ERAP1: variants seen among roughly 807,000 people sequenced by gnomAD.
ERAP1 encodes the protein endoplasmic reticulum aminopeptidase 1, also known as adipocyte-derived leucine aminopeptidase.
ERAP1 carries 86 observed loss-of-function variants against 103.7 expected under a neutral mutation model. The ratio of observed to expected loss-of-function variants is 0.83; its 90% CI spans 0.70 to 0.99. ERAP1 has a LOEUF of 0.99. Ranked by LOEUF, ERAP1 falls within the 50% of genes least tolerant of loss-of-function variation. The pLI, the probability that ERAP1 is intolerant of heterozygous loss-of-function variation, is 0.00. For synonymous variants in ERAP1, 398 were observed against 402.4 expected, an observed-to-expected ratio of 0.99 and a Z score of 0.13; for missense variants, 1,009 against 1,128.4, an observed-to-expected ratio of 0.89 and a Z score of 1.52.
At chr5:96,850,167 G>A in the ERAP1 span, among the ~76,000 whole-genome samples, 1 of 152,110 alleles carries the variant, frequency 6.6e-6, no homozygotes, top group African/African-American at 2.4e-5. Context: ...TAAGGGAAAA[G>A]CTACCCATTG....
the ERAP1 span, chr5:96,903,644 T>C: frequency 1.5e-5 from 19 of 1,268,490 alleles, no homozygotes; most frequent in South Asian, 2.2e-4. Context: ...ATGTTCAACA[T>C]TGGTCATTGA....
At chr5:96,843,836 T>C in the ERAP1 span, among the ~76,000 whole-genome samples, 1 of 152,196 alleles carries the variant, frequency 6.6e-6, no homozygotes, top group Non-Finnish European at 1.5e-5. Context: ...CATTCTTTTC[T>C]ACTGACCCTA....
At chr5:96,912,446 T>C in the ERAP1 span, among the ~76,000 whole-genome samples, 1 of 152,250 alleles carries the variant, frequency 6.6e-6, no homozygotes, top group African/African-American at 2.4e-5. Flanking sequence ...CAGTAGGAGA[T>C]AAAACACAAA....
At chr5:96,874,136 G>GAGAGAGAAAGAA in the ERAP1 span, among the ~76,000 whole-genome samples, 41 of 118,882 alleles carry the variant, frequency 3.4e-4, no homozygotes, top group Admixed American at 1.5e-3. Context: ...GAAAGAGAGA[G>GAGAGAGAAAGAA]AGAAAGAAAG....
At chr5:96,934,564 T>C in the ERAP1 span, 1 of 152,246 alleles carries the variant, frequency 6.6e-6, no homozygotes, top group Non-Finnish European at 1.5e-5. Context: ...CTAAGTGCAG[T>C]TGGTATCCAC....
At chr5:96,796,299 G>A (rs75137947) in intron 4 of ERAP1, among the ~76,000 whole-genome samples, 249 of 152,228 alleles carry the variant, frequency 1.6e-3, no homozygotes, top group Non-Finnish European at 2.5e-3. Context: ...TCTGAGCTAC[G>A]GCACACAGTT....
At chr5:96,772,334 TA>T (rs1326524784), downstream of ERAP1, 1 of 153,372 alleles carries the variant, frequency 6.5e-6, no homozygotes, top group African/African-American at 2.4e-5. Flanking sequence ...ATGTAAGCCT[TA>T]AAAGCATACA....
At chr5:96,858,094 AC>A in the ERAP1 span, among the ~76,000 whole-genome samples, 1 of 152,224 alleles carries the variant, frequency 6.6e-6, no homozygotes, top group African/African-American at 2.4e-5. Flanking sequence ...CGTGGATTCT[AC>A]CAGCATGGTT....
At chr5:96,928,801 C>T in the ERAP1 span, among the ~76,000 whole-genome samples, 2 of 152,146 alleles carry the variant, frequency 1.3e-5, no homozygotes, top group Non-Finnish European at 2.9e-5. Flanking sequence ...TAACTGGTTG[C>T]AGCCAGCGTC....
intron 15 of ERAP1, among the ~76,000 whole-genome samples, chr5:96,782,661 A>G (rs949846397): frequency 3.9e-5 from 6 of 152,322 alleles, no homozygotes; most frequent in African/African-American, 1.4e-4. Context: ...GTAAAATCCT[A>G]CCTTGCTTAG....
chr5:96,818,651 T>C, the ERAP1 span, among the ~76,000 whole-genome samples: 2 of 152,142 alleles, frequency 1.3e-5, no homozygotes, highest in African/African-American at 2.4e-5. Flanking sequence ...GCCCGAGGCA[T>C]TCAGAATCCA....
At position 96,791,985 on chromosome 5, in the gene ERAP1, T is replaced by G. The variant is rs575322727; in HGVS notation, c.1320+76A>C. The G allele has an allele frequency of 2.6e-6, 4 of 1,549,972 alleles. No individual in the cohort carries two copies. The East Asian group carries it at 9.0e-5, about 35-fold the overall frequency. Reference sequence around the variant, plus strand: ...TCAATCTGGGTTTAACCCCACAACCTTGCCTATAACTTCTCCACCCCAGTA... The same window carrying G: ...TCAATCTGGGTTTAACCCCACAACCGTGCCTATAACTTCTCCACCCCAGTA... On this transcript the variant is annotated intron_variant, in intron 8 of 18. Transcript: ENST00000443439.
rs1773842058 is a variant in ERAP1 at position 96,774,946 on chromosome 5, G to GAAGT, written c.*1446_*1449dup. On this transcript the variant is annotated 3_prime_UTR_variant, in exon 19 of 19. Coordinates refer to ENST00000443439, the MANE Select transcript of ERAP1 (RefSeq NM_001040458.3). ...ATCATCAATCATATTCCCTTATCTTGAAGTTTTTGCCTTATATTCAAAAAG... is the reference window on the plus strand; with the variant it reads ...ATCATCAATCATATTCCCTTATCTTGAAGTAAGTTTTTGCCTTATATTCAAAAAG... 1 of 983,796 alleles carries GAAGT rather than the reference G, an allele frequency of 1.0e-6. No individual in the cohort carries two copies. Among genetic ancestry groups the GAAGT allele is most frequent in the Non-Finnish European group, 1.2e-6 (1 of 828,914 alleles). The allele number at this position is 983,796 out of a possible 1,614,324, so 60.9% of individuals were successfully genotyped here. A position where few individuals can be genotyped will look rare whatever the true frequency, so the allele number is the denominator to read the frequency against.
At chr5:96,780,565 A>T (rs1775021281) in intron 17 of ERAP1, 61 bp from the exon 18 acceptor site, 1 of 1,273,740 alleles carries the variant, frequency 7.9e-7, no homozygotes, top group African/African-American at 1.5e-5. Flanking sequence ...CATATATTTT[A>T]AGGGCCTCCT....
the ERAP1 span, among the ~76,000 whole-genome samples, chr5:96,867,572 C>A: frequency 6.6e-6 from 1 of 152,114 alleles, no homozygotes; most frequent in South Asian, 2.1e-4. Context: ...CTGGAAGTAC[C>A]TAGCTGGAAG....
chr5:96,812,955 G>A (rs760895292), upstream of ERAP1, among the ~76,000 whole-genome samples: 2 of 152,178 alleles, frequency 1.3e-5, no homozygotes, highest in Non-Finnish European at 2.9e-5. Context: ...GGCCACCACA[G>A]CCTTTCTTTT....
the ERAP1 span, chr5:96,901,384 C>T: frequency 3.8e-6 from 4 of 1,065,212 alleles, no homozygotes; most frequent in African/African-American, 3.2e-5. Flanking sequence ...CCCTGAGATA[C>T]CAGTCCGAGT....
At chr5:96,926,887 G>T in the ERAP1 span, among the ~76,000 whole-genome samples, 1 of 152,180 alleles carries the variant, frequency 6.6e-6, no homozygotes, top group Non-Finnish European at 1.5e-5. Flanking sequence ...TGCAGTCTCA[G>T]CTCGCTGCAG....
chr5:96,879,609 A>G, the ERAP1 span: 1 of 1,182,372 alleles, frequency 8.5e-7, no homozygotes, highest in African/African-American at 1.5e-5. Flanking sequence ...CATGTGACAT[A>G]ACTGGAGCCA....
Sources: gnomAD v4.1 joint callset for allele counts (sites outside exome capture counted in the v4.1 genomes callset) on GRCh38, gnomAD v4.1.1 for gene constraint, MANE v1.5 for transcripts, NCBI Gene and HGNC (gene_info 2026-07-23, HGNC 2026-07-21) for gene names.